CEP192: variants seen among roughly 807,000 people sequenced by gnomAD.
CEP192 encodes the protein centrosomal protein 192.
CEP192 carries 151 observed loss-of-function variants against 271.8 expected under a neutral mutation model. That is an observed-to-expected ratio of 0.56 (90% CI 0.49 to 0.64). The LOEUF is 0.64. CEP192 is among the 30% of genes least tolerant of loss of function. The pLI is 0.00. For synonymous variants in CEP192, 995 were observed against 1,076.5 expected, an observed-to-expected ratio of 0.92 and a Z score of 1.48; for missense variants, 2,910 against 3,020.5, an observed-to-expected ratio of 0.96 and a Z score of 0.86.
chr18:13,036,816 G>C (rs559253458), intron 11 of CEP192, among the ~76,000 whole-genome samples: 21 of 152,366 alleles, frequency 1.4e-4, no homozygotes, highest in Admixed American at 1.0e-3. Flanking sequence ...TTCCTGGGAT[G>C]GGGGGCAAGC....
intron 6 of CEP192, 60 bp from the exon 7 acceptor site, chr18:13,017,128 A>G: frequency 7.4e-7 from 1 of 1,358,454 alleles, no homozygotes; most frequent in South Asian, 1.5e-5. Context: ...TTTTAATTAC[A>G]AATTATTGCT....
chr18:13,100,192 T>C lies in CEP192; in HGVS notation c.6664-113T>C, dbSNP rs182468764. ...AATAAACTTTAATTCCTAAATTTATTGATGTTTTGTTTGTTTGGCATTTCT... is the reference window on the plus strand; with the variant it reads ...AATAAACTTTAATTCCTAAATTTATCGATGTTTTGTTTGTTTGGCATTTCT... On this transcript the variant is annotated intron_variant, in intron 37 of 44. Coordinates refer to ENST00000506447, the MANE Select transcript of CEP192 (RefSeq NM_032142.4). 7 of 693,972 alleles carry C rather than the reference T, an allele frequency of 1.0e-5. No homozygotes were observed. In the Admixed American group the frequency reaches 1.9e-4, roughly 19 times the overall value. The allele number at this position is 693,972 out of a possible 1,614,324, so 43.0% of individuals were successfully genotyped here.
chr18:13,073,887 A>G (rs566605180), intron 30 of CEP192, among the ~76,000 whole-genome samples: 63 of 152,222 alleles, frequency 4.1e-4, no homozygotes, highest in Non-Finnish European at 8.5e-4. Context: ...CGTTTAGACC[A>G]TACCAAATAC....
At chr18:13,122,568 G>C (rs1434835286) in intron 44 of CEP192, among the ~76,000 whole-genome samples, 1 of 139,804 alleles carries the variant, frequency 7.2e-6, no homozygotes, top group Non-Finnish European at 1.5e-5. Context: ...GCGACAGAGC[G>C]AGAATCCGTC....
At chr18:13,052,004 CTG>C (rs569080759) in intron 17 of CEP192, among the ~76,000 whole-genome samples, 69 of 152,328 alleles carry the variant, frequency 4.5e-4, no homozygotes, top group African/African-American at 1.6e-3. Context: ...GGTGTGGAGA[CTG>C]TTTCCAAATG....
chr18:13,112,862 CCTGATTCATTGTTAA>C (rs1475052710), intron 40 of CEP192, among the ~76,000 whole-genome samples: 10 of 152,202 alleles, frequency 6.6e-5, no homozygotes, highest in Non-Finnish European at 1.5e-4. Context: ...TTGTTGTTAA[CCTGATTCATTGTTAA>C]CTGATTCATT....
chr18:13,019,480 G>A (rs1018202330), intron 9 of CEP192, among the ~76,000 whole-genome samples: 3 of 152,074 alleles, frequency 2.0e-5, no homozygotes, highest in Non-Finnish European at 4.4e-5. Context: ...AAAAGCAAAC[G>A]GATCTTTTAC....
At chr18:12,998,629 A>G (rs1055053255) in intron 1 of CEP192, among the ~76,000 whole-genome samples, 9 of 152,208 alleles carry the variant, frequency 5.9e-5, no homozygotes, top group Admixed American at 5.2e-4. Context: ...TACTCTGCCT[A>G]TAAAAGTTCT....
Position 13,052,986 on chromosome 18 carries a change from C to T in CEP192, c.3085C>T (p.Pro1029Ser). 2 of 1,613,948 alleles carry T rather than the reference C, an allele frequency of 1.2e-6. No individual in the cohort carries two copies. The highest frequency in any genetic ancestry group is 1.7e-6 in the Non-Finnish European group (2 of 1,179,910). ...GCCTCCCTGTGAGCAGGAGTTGTCTCCCTTGGTGTGCTCGCCTGCTGGGGT... is the reference window on the plus strand; with the variant it reads ...GCCTCCCTGTGAGCAGGAGTTGTCTTCCTTGGTGTGCTCGCCTGCTGGGGT... ...QQPPCEQELS[P>S]LVCSPAGVSR... Residue 1029 changes from proline to serine, a missense_variant, in exon 18 of 45, where the codon CCC becomes TCC. Transcript: ENST00000506447.
At chr18:13,117,042 T>G (rs1278062158) in intron 43 of CEP192, among the ~76,000 whole-genome samples, 1 of 149,114 alleles carries the variant, frequency 6.7e-6, no homozygotes, top group Non-Finnish European at 1.5e-5. Flanking sequence ...GGCAATATAG[T>G]GAGACTCCAT....
chr18:13,004,820 G>A (rs1387096362), intron 3 of CEP192, among the ~76,000 whole-genome samples: 1 of 152,154 alleles, frequency 6.6e-6, no homozygotes, highest in Non-Finnish European at 1.5e-5. Context: ...TAGGAGTGCA[G>A]GTGAAGAGGA....
intron 1 of CEP192, among the ~76,000 whole-genome samples, chr18:12,995,927 T>G (rs763624652): frequency 1.3e-5 from 2 of 152,102 alleles, no homozygotes; most frequent in Non-Finnish European, 2.9e-5. Flanking sequence ...TTAGGATGAC[T>G]GGAATGGAGT....
intron 42 of CEP192, among the ~76,000 whole-genome samples, chr18:13,115,756 G>A (rs1468525292): frequency 6.6e-6 from 1 of 151,920 alleles, no homozygotes; most frequent in Admixed American, 6.6e-5. Context: ...AAAATCACAA[G>A]TTCATTTTTG....
At chr18:13,066,483 T>G (rs1036220397) in intron 21 of CEP192, among the ~76,000 whole-genome samples, 7 of 152,238 alleles carry the variant, frequency 4.6e-5, no homozygotes, top group African/African-American at 1.7e-4. Flanking sequence ...TTGAGGCTGC[T>G]TTTTGCTTTA....
chr18:13,025,091 T>C (rs1186238258), intron 9 of CEP192, among the ~76,000 whole-genome samples: 5 of 152,222 alleles, frequency 3.3e-5, no homozygotes, highest in African/African-American at 7.2e-5. Context: ...ATTTAGACCA[T>C]TGACTTTGAA....
intron 9 of CEP192, among the ~76,000 whole-genome samples, chr18:13,025,740 G>T (rs920861859): frequency 6.6e-6 from 1 of 151,858 alleles, no homozygotes; most frequent in East Asian, 1.9e-4. Context: ...CCCATTCCTT[G>T]TATCATTGCT....
chr18:13,085,486 T>C (rs2038855302), intron 30 of CEP192, among the ~76,000 whole-genome samples: 1 of 152,232 alleles, frequency 6.6e-6, no homozygotes, highest in South Asian at 2.1e-4. Context: ...GTGTCCTGAA[T>C]GGTATTGCCT....
Position 13,125,021 on chromosome 18 carries a change from ATGGAATATAT to A in CEP192, c.*253_*262del. ...ATTGATTATGATATTCTGAATAAAT[ATGGAATATAT>A]TTTAATGTGGTATATCCAGAAATTT... is the stretch of plus-strand genomic sequence containing the variant. On this transcript the variant is annotated 3_prime_UTR_variant, in exon 45 of 45. Coordinates refer to ENST00000506447, the MANE Select transcript of CEP192 (RefSeq NM_032142.4). 3.6e-6 allele frequency: 1 copy of A among 281,508 alleles called. No homozygotes were observed. 17.4% of individuals were successfully genotyped at this position (281,508 alleles called of 1,614,324 possible).
chr18:13,097,262 T>A (rs1481178669), intron 36 of CEP192, among the ~76,000 whole-genome samples: 1 of 152,154 alleles, frequency 6.6e-6, no homozygotes, highest in Non-Finnish European at 1.5e-5. Context: ...TGCCCTTTCA[T>A]TTTTGACATG....
Sources: allele counts gnomAD v4.1 joint callset (sites outside exome capture counted in the v4.1 genomes callset), GRCh38; gene constraint gnomAD v4.1.1; transcripts MANE v1.5; gene names NCBI Gene and HGNC (gene_info 2026-07-23, HGNC 2026-07-21).